The following NTRK3 variants were observed in gnomAD, a reference collection of about 807,000 sequenced individuals.
NTRK3 encodes NT-3 growth factor receptor.
Under a neutral mutation model 91.7 loss-of-function variants are expected in NTRK3, and 24 were observed. That is an observed-to-expected ratio of 0.26 (90% confidence interval 0.19 to 0.37). The LOEUF is 0.37. Ranked by LOEUF, NTRK3 falls within the 10% of genes least tolerant of loss-of-function variation. The probability of loss-of-function intolerance (pLI) is 1.00; values close to 1 mark genes in which losing one functional copy is unlikely to be tolerated. For missense variants in NTRK3, 880 were observed against 1,068.9 expected (o/e 0.82, Z 2.46); for synonymous variants, 483 against 404.0 (o/e 1.20, Z -2.34).
chr15:88,189,089 C>A (rs576778839), intron 3 of NTRK3, among the ~76,000 whole-genome samples: 35 of 152,260 alleles, frequency 2.3e-4, no homozygotes, highest in Non-Finnish European at 4.4e-4. Context: ...GAGTCAGAGT[C>A]GGGCTTAGGG....
intron 13 of NTRK3, among the ~76,000 whole-genome samples, chr15:88,047,929 T>C (rs995319532): frequency 6.6e-6 from 1 of 152,160 alleles, no homozygotes; most frequent in Non-Finnish European, 1.5e-5. Flanking sequence ...CTCCAGACAC[T>C]AGTGATGCAA....
intron 13 of NTRK3, among the ~76,000 whole-genome samples, chr15:88,099,764 C>T (rs1366501975): frequency 6.6e-6 from 1 of 152,138 alleles, no homozygotes; most frequent in Non-Finnish European, 1.5e-5. Flanking sequence ...ACCACATTGA[C>T]TTAATAGTTA....
At chr15:88,109,195 G>A (rs777315477) in intron 13 of NTRK3, among the ~76,000 whole-genome samples, 29 of 152,226 alleles carry the variant, frequency 1.9e-4, no homozygotes, top group Non-Finnish European at 3.8e-4. Context: ...AGGGCCCGGT[G>A]AGCCGCAAGC....
Position 88,255,545 on chromosome 15 carries a change from G to C in NTRK3, c.248+361C>G, listed in dbSNP as rs902873211. Among the ~76,000 whole-genome samples, 3 of 152,180 alleles carry C rather than the reference G, an allele frequency of 2.0e-5. No individual in the cohort carries two copies. The highest frequency in any genetic ancestry group is 4.4e-5 in the Non-Finnish European group (3 of 68,034). The stretch of plus-strand genomic sequence containing the variant: ...ACCTCGTCTACTTTATTCCACTTGA[G>C]CGTGGCCAAACTGTTGCTATTTAGT... On this transcript the variant is annotated intron_variant, in intron 3 of 18. Transcript: ENST00000394480. The surrounding 1 kb of genome is among the most constrained non-coding windows in gnomAD (Gnocchi z 4.3).
chr15:87,864,692 C>A, exon 19 of NTRK3: 1 of 228,496 alleles, frequency 4.4e-6, no homozygotes, highest in Non-Finnish European at 8.7e-6. Context: ...TTCTCCATGG[C>A]TAGATACTCA....
At chr15:88,156,865 T>C (rs1451312827) in intron 5 of NTRK3, among the ~76,000 whole-genome samples, 6 of 152,166 alleles carry the variant, frequency 3.9e-5, no homozygotes, top group Admixed American at 3.9e-4. Flanking sequence ...AAAGAACGTA[T>C]GGAAAGTTCA....
chr15:88,145,411 T>C (rs1477704965), intron 6 of NTRK3, among the ~76,000 whole-genome samples: 1 of 152,118 alleles, frequency 6.6e-6, no homozygotes, highest in Non-Finnish European at 1.5e-5. Flanking sequence ...AAACACACCA[T>C]GGACATGGTG....
chr15:88,197,117 A>G (rs936692347), intron 3 of NTRK3, among the ~76,000 whole-genome samples: 7 of 130,678 alleles, frequency 5.4e-5, no homozygotes, highest in African/African-American at 2.2e-4. Flanking sequence ...AAAAAAAAAA[A>G]AAAAAAAAAA....
intron 3 of NTRK3, among the ~76,000 whole-genome samples, chr15:88,184,965 G>A (rs2046832773): frequency 6.6e-6 from 1 of 152,214 alleles, no homozygotes; most frequent in Admixed American, 6.5e-5. Flanking sequence ...TGGGAACCTG[G>A]CAGTGGAGGA....
intron 5 of NTRK3, among the ~76,000 whole-genome samples, chr15:88,160,315 A>G (rs12148845): frequency 0.3 from 46,352 of 152,058 alleles, 8,192 homozygotes; most frequent in African/African-American, 0.5. Flanking sequence ...CCACTGAGGG[A>G]CCCATACCCC....
intron 17 of NTRK3, among the ~76,000 whole-genome samples, chr15:87,902,833 C>T (rs2066532286): frequency 6.6e-6 from 1 of 152,102 alleles, no homozygotes; most frequent in Admixed American, 6.5e-5. Context: ...TCAGAGAGAT[C>T]CCAGAGGCCC....
chr15:87,894,140 A>G (rs760318511), intron 17 of NTRK3, among the ~76,000 whole-genome samples: 1 of 152,214 alleles, frequency 6.6e-6, no homozygotes, highest in Non-Finnish European at 1.5e-5. Flanking sequence ...AACTAAATCT[A>G]TGCCTTCGTC....
exon 19 of NTRK3, chr15:87,871,781 G>A (rs1198358700): frequency 4.5e-6 from 1 of 222,602 alleles, no homozygotes; most frequent in Non-Finnish European, 9.0e-6. Context: ...GGCCTTCTTT[G>A]AAGCCATTCC....
intron 5 of NTRK3, among the ~76,000 whole-genome samples, chr15:88,179,308 C>G (rs989997170): frequency 6.6e-6 from 1 of 152,120 alleles, no homozygotes; most frequent in African/African-American, 2.4e-5. Flanking sequence ...CCTCTTCTGG[C>G]CCATGAGCTA....
At chr15:87,902,691 T>C (rs561426130) in intron 17 of NTRK3, among the ~76,000 whole-genome samples, 1 of 152,322 alleles carries the variant, frequency 6.6e-6, no homozygotes, top group African/African-American at 2.4e-5. Flanking sequence ...ATTGCCTTTT[T>C]GCTTAAGGTA....
intron 14 of NTRK3, among the ~76,000 whole-genome samples, chr15:87,952,271 GGAAA>G (rs146264820): frequency 0.03 from 4,472 of 151,516 alleles, 97 homozygotes; most frequent in Non-Finnish European, 0.045. Flanking sequence ...AAAGAAGGAA[GGAAA>G]GAAAGAAAGA....
chr15:88,122,339 G>A (rs981991574), intron 13 of NTRK3, among the ~76,000 whole-genome samples: 3 of 152,130 alleles, frequency 2.0e-5, no homozygotes, highest in African/African-American at 7.2e-5. Flanking sequence ...AGTCTGGGAG[G>A]TGTGAGTTTA....
chr15:87,911,233 T>C (rs953959456), intron 17 of NTRK3, among the ~76,000 whole-genome samples: 2 of 152,118 alleles, frequency 1.3e-5, no homozygotes, highest in African/African-American at 4.8e-5. Context: ...AGAGGGTGAA[T>C]TTGGCTTAAT....
intron 3 of NTRK3, among the ~76,000 whole-genome samples, chr15:88,231,623 C>CA (rs1247467381): frequency 6.6e-6 from 1 of 152,196 alleles, no homozygotes; most frequent in East Asian, 1.9e-4. Flanking sequence ...TCAATGCGAG[C>CA]ATCCATCAAC....
Sources: allele counts gnomAD v4.1 joint callset (sites outside exome capture counted in the v4.1 genomes callset), GRCh38; gene constraint gnomAD v4.1.1; non-coding constraint Gnocchi (gnomAD v3.1); transcripts MANE v1.5; gene names NCBI Gene and HGNC (gene_info 2026-07-23, HGNC 2026-07-21).